Variants in PHACTR2 observed in about 807,000 individuals in gnomAD.
PHACTR2 encodes the protein phosphatase and actin regulator 2.
In PHACTR2, 30 loss-of-function variants were observed where a neutral mutation model predicts 76.0. That is an observed-to-expected ratio of 0.39 (90% confidence interval 0.30 to 0.54). The LOEUF is 0.54. Among genes scored for constraint, PHACTR2 ranks in the 20% least tolerant of loss-of-function variants. The pLI, the probability that PHACTR2 is intolerant of heterozygous loss-of-function variation, is 0.61. For missense variants in PHACTR2, 696 were observed against 781.1 expected, an observed-to-expected ratio of 0.89 and a Z score of 1.30; for synonymous variants, 292 against 292.5, an observed-to-expected ratio of 1.00 and a Z score of 0.02.
chr6:143,558,859 G>C lies in PHACTR2; in HGVS notation c.217+21652G>C, dbSNP rs537472275. Among the ~76,000 whole-genome samples the C allele has an allele frequency of 3.9e-5, 6 of 152,284 alleles. No individual in the cohort carries two copies. The South Asian group carries it at 6.2e-4, about 16-fold the overall frequency. ...ACCAGTAATGGTGATTAGGTAGCTC[G>C]AGGGCCCCTAAACACCTCCCTGATG... On this transcript the variant is annotated intron_variant, in intron 1 of 11. Transcript: ENST00000367584. This position sits in a 1 kb window ranked among gnomAD's most constrained non-coding sequence, Gnocchi z 4.7.
At chr6:143,715,160 G>A (rs115927710) in intron 2 of PHACTR2, among the ~76,000 whole-genome samples, 1,732 of 152,108 alleles carry the variant, frequency 0.011, 25 homozygotes, top group African/African-American at 0.036. Flanking sequence ...ATTTAGTGTC[G>A]TTCTCTTATT....
intron 1 of PHACTR2, among the ~76,000 whole-genome samples, chr6:143,690,194 C>G (rs551274658): frequency 5.3e-4 from 81 of 152,298 alleles, no homozygotes; most frequent in African/African-American, 1.9e-3. Context: ...ATGTATTTAA[C>G]GAATCGCTTC....
chr6:143,643,439 T>G (rs1776600764), intron 1 of PHACTR2, among the ~76,000 whole-genome samples: 1 of 152,240 alleles, frequency 6.6e-6, no homozygotes, highest in African/African-American at 2.4e-5. Context: ...TAATTCAGTT[T>G]GGAATTCAGT....
intron 2 of PHACTR2, 55 bp downstream of exon 2, chr6:143,712,238 G>A: frequency 1.2e-5 from 14 of 1,204,208 alleles, no homozygotes; most frequent in South Asian, 5.0e-5. Context: ...CGTTTTAAAA[G>A]GTAGAAAATT....
rs9484803 is a variant in PHACTR2 at position 143,734,386 on chromosome 6, G to C, written c.215-14599G>C. Reference sequence around the variant, plus strand: ...CATTCTGGAAAAAGTGGGATATTGTGTTTAATCCAAGCCGAGCTCTGGATT... The same window carrying C: ...CATTCTGGAAAAAGTGGGATATTGTCTTTAATCCAAGCCGAGCTCTGGATT... On this transcript the variant is annotated intron_variant, in intron 2 of 12. Transcript: ENST00000440869. 8.1e-3 allele frequency among the ~76,000 whole-genome samples: 1,231 copies of C among 152,232 alleles called. 8 individuals are homozygous for C. The highest frequency in any genetic ancestry group is 0.027 in the African/African-American group (1,112 of 41,532).
rs1332063985 is a variant in PHACTR2 at position 143,580,195 on chromosome 6, T to A, written c.217+42988T>A. ...GATATCCCATCCCTTTAGAAGGGAG[T>A]CAACTTGGGGCCGGGCGCAGTGGCT... On this transcript the variant is annotated intron_variant, in intron 1 of 11. Transcript: ENST00000367584. The surrounding 1 kb of genome is among the most constrained non-coding windows in gnomAD (Gnocchi z 4.2). 6.6e-6 allele frequency among the ~76,000 whole-genome samples: 1 copy of A among 151,798 alleles called. No homozygotes were observed. The highest frequency in any genetic ancestry group is 6.6e-5 in the Admixed American group (1 of 15,252).
In PHACTR2 at chr6:143,633,247, T is replaced by G. The variant is rs1447779985; in HGVS notation, c.13+24925T>G. ...ATCAGCAAAGAATGAGAGTTCCTGT[T>G]GCTCCACGTCTCTACCAGGATTTGG... On this transcript the variant is annotated intron_variant, in intron 1 of 11. Coordinates refer to the PHACTR2 transcript ENST00000305766. This position sits in a 1 kb window ranked among gnomAD's most constrained non-coding sequence, Gnocchi z 4.1. 6.6e-6 allele frequency among the ~76,000 whole-genome samples: 1 copy of G among 152,204 alleles called. No homozygotes were observed. The highest frequency in any genetic ancestry group is 2.4e-5 in the African/African-American group (1 of 41,448).
upstream of PHACTR2, among the ~76,000 whole-genome samples, chr6:143,674,358 C>T (rs1777205995): frequency 6.6e-6 from 1 of 152,098 alleles, no homozygotes; most frequent in Non-Finnish European, 1.5e-5. The surrounding 1 kb of genome is among the most constrained non-coding windows in gnomAD (Gnocchi z 4.9). Context: ...TTTTGCATAT[C>T]GTTTTTAGTA....
At position 143,678,782 on chromosome 6, in the gene PHACTR2, T is replaced by C. The variant is rs1777316468; in HGVS notation, c.46+573T>C. On this transcript the variant is annotated intron_variant, in intron 1 of 12. Coordinates refer to ENST00000440869, the MANE Select transcript of PHACTR2 (RefSeq NM_001100164.2). This position sits in a 1 kb window ranked among gnomAD's most constrained non-coding sequence, Gnocchi z 6.2. ...CAGCTATAACATTTAGGGAAACATATCTCATGAACTTAGTTCTCCAGGACT... is the reference window on the plus strand; with the variant it reads ...CAGCTATAACATTTAGGGAAACATACCTCATGAACTTAGTTCTCCAGGACT... 6.6e-6 allele frequency among the ~76,000 whole-genome samples: 1 copy of C among 152,212 alleles called. No homozygotes were observed. The highest frequency in any genetic ancestry group is 6.5e-5 in the Admixed American group (1 of 15,290).
intron 1 of PHACTR2, among the ~76,000 whole-genome samples, chr6:143,576,498 G>A (rs907532879): frequency 1.2e-4 from 19 of 152,332 alleles, no homozygotes; most frequent in African/African-American, 3.6e-4. Flanking sequence ...CAAGGGAAAA[G>A]TTTATTTCTA....
chr6:143,537,241 C>A lies in PHACTR2; in HGVS notation c.217+34C>A. 5.0e-6 allele frequency: 1 copy of A among 198,264 alleles called. No homozygotes were observed. The highest frequency in any genetic ancestry group is 1.0e-5 in the Non-Finnish European group (1 of 99,366). 12.3% of individuals were successfully genotyped at this position (198,264 alleles called of 1,614,324 possible). A position where few individuals can be genotyped will look rare whatever the true frequency, so the allele number is the denominator to read the frequency against. On this transcript the variant is annotated intron_variant, in intron 1 of 11. Transcript: ENST00000367584. This position sits in a 1 kb window ranked among gnomAD's most constrained non-coding sequence, Gnocchi z 4.4. The stretch of plus-strand genomic sequence containing the variant: ...GGCTCGGGGCGCGGGCCGGGGAGGG[C>A]CGGCCGCGGGCAGGTGGCCGCGAGG...
chr6:143,788,752 T>TTTTTCC (rs1333022449), intron 10 of PHACTR2, 21 bp from the exon 11 acceptor site: 1 of 1,595,886 alleles, frequency 6.3e-7, no homozygotes, highest in African/African-American at 1.3e-5. Context: ...GAACTCTGCC[T>TTTTTCC]TTTTCCTTGT....
At chr6:143,563,137 C>CT (rs1216826515) in intron 1 of PHACTR2, among the ~76,000 whole-genome samples, 1 of 151,930 alleles carries the variant, frequency 6.6e-6, no homozygotes, top group African/African-American at 2.4e-5. Context: ...TACCACAATT[C>CT]TTTTTTTAAA....
At chr6:143,645,070 A>T (rs1776635669) in intron 1 of PHACTR2, among the ~76,000 whole-genome samples, 1 of 151,982 alleles carries the variant, frequency 6.6e-6, no homozygotes, top group Non-Finnish European at 1.5e-5. Context: ...AGAACATACA[A>T]CTATGGAAAA....
chr6:143,699,761 CAG>C (rs1291432956), intron 1 of PHACTR2, among the ~76,000 whole-genome samples: 1 of 152,206 alleles, frequency 6.6e-6, no homozygotes, highest in Non-Finnish European at 1.5e-5. Context: ...TCTTTCTCCT[CAG>C]TGTCCCTCAG....
rs551718264 is a variant in PHACTR2 at position 143,807,537 on chromosome 6, T to C, written c.1922+404T>C. Reference sequence around the variant, plus strand: ...GGCTACATTTTGGTTCCTTTCTTCGTTTTTTTCTGGGTCTGAAGACATCAT... The same window carrying C: ...GGCTACATTTTGGTTCCTTTCTTCGCTTTTTTCTGGGTCTGAAGACATCAT... On this transcript the variant is annotated intron_variant, in intron 12 of 12. Coordinates refer to ENST00000440869, the MANE Select transcript of PHACTR2 (RefSeq NM_001100164.2). This position sits in a 1 kb window ranked among gnomAD's most constrained non-coding sequence, Gnocchi z 5.5. Among the ~76,000 whole-genome samples the C allele has an allele frequency of 6.6e-6, 1 of 152,306 alleles. No homozygotes were observed. Among genetic ancestry groups the C allele is most frequent in the South Asian group, 2.1e-4 (1 of 4,828 alleles).
At position 143,765,643 on chromosome 6, in the gene PHACTR2, T is replaced by C; in HGVS notation, c.1077T>C (p.Thr359=). 1 of 1,614,204 alleles carries C rather than the reference T, an allele frequency of 6.2e-7. No homozygotes were observed. The highest frequency in any genetic ancestry group is 8.5e-7 in the Non-Finnish European group (1 of 1,180,028). ...PPLPLEDQCI[T]ASDTPVVLVS... The stretch of plus-strand genomic sequence containing the variant: ...TCCCTCTTGAGGATCAGTGCATTAC[T>C]GCCTCAGACACTCCAGTTGTCCTCG... The change falls in exon 6 of 13, where the codon ACT becomes ACC. Residue 359 remains threonine (T), a synonymous_variant. Transcript: ENST00000440869. The surrounding 1 kb of genome is among the most constrained non-coding windows in gnomAD (Gnocchi z 4.1).
In PHACTR2 at chr6:143,570,081, A is replaced by G. The variant is rs1298852520; in HGVS notation, c.217+32874A>G. ...GTCCCAGTCCAATCCTTTGAGGTCA[A>G]TTTCATTGTTTTTCTCCTTATTCTC... is the stretch of plus-strand genomic sequence containing the variant. On this transcript the variant is annotated intron_variant, in intron 1 of 11. Coordinates refer to the PHACTR2 transcript ENST00000367584. This position sits in a 1 kb window ranked among gnomAD's most constrained non-coding sequence, Gnocchi z 4.6. Among the ~76,000 whole-genome samples the G allele has an allele frequency of 4.6e-5, 7 of 152,194 alleles. No individual in the cohort carries two copies. Among genetic ancestry groups the G allele is most frequent in the East Asian group, 3.8e-4 (2 of 5,200 alleles).
intron 11 of PHACTR2, among the ~76,000 whole-genome samples, chr6:143,802,768 C>CTAA: frequency 6.6e-6 from 1 of 151,650 alleles, no homozygotes; most frequent in South Asian, 2.1e-4. Context: ...TCTAAAGTGT[C>CTAA]TGATTTACTT....
Sources: allele counts gnomAD v4.1 joint callset (sites outside exome capture counted in the v4.1 genomes callset), GRCh38; gene constraint gnomAD v4.1.1; non-coding constraint Gnocchi (gnomAD v3.1); transcripts MANE v1.5; gene names NCBI Gene and HGNC (gene_info 2026-07-23, HGNC 2026-07-21).